EHMT1: variants seen among roughly 807,000 people sequenced by gnomAD.
EHMT1 encodes the protein histone-lysine N-methyltransferase EHMT1.
EHMT1 carries 15 observed loss-of-function variants against 147.2 expected under a neutral mutation model. The ratio of observed to expected loss-of-function variants is 0.10; its 90% CI spans 0.07 to 0.16. The LOEUF (loss-of-function observed/expected upper bound fraction) is 0.16, where lower values mean the gene tolerates loss of function less well. Among genes scored for constraint, EHMT1 ranks in the 10% least tolerant of loss-of-function variants. The probability of loss-of-function intolerance (pLI) is 1.00; values close to 1 mark genes in which losing one functional copy is unlikely to be tolerated. For missense variants in EHMT1, 1,587 were observed against 1,772.4 expected (o/e 0.90, Z 1.88); for synonymous variants, 795 against 709.6 (o/e 1.12, Z -1.91).
intron 4 of EHMT1, among the ~76,000 whole-genome samples, chr9:137,740,786 A>G (rs539049853): frequency 1.6e-4 from 24 of 152,290 alleles, no homozygotes; most frequent in Middle Eastern, 6.8e-3. Flanking sequence ...ACTTCCTGAC[A>G]TGATTTATTT....
chr9:137,623,745 C>G (rs146316724), intron 1 of EHMT1, among the ~76,000 whole-genome samples: 1 of 152,142 alleles, frequency 6.6e-6, no homozygotes, highest in South Asian at 2.1e-4. Context: ...TCTGCCCGTG[C>G]GCTTAGTAAG....
intron 4 of EHMT1, among the ~76,000 whole-genome samples, chr9:137,729,684 C>A (rs758188251): frequency 5.3e-5 from 8 of 152,146 alleles, no homozygotes; most frequent in Non-Finnish European, 1.0e-4. Context: ...ATTCATTTCA[C>A]CACATGGCAC....
chr9:137,796,165 A>G (rs899206977), intron 16 of EHMT1, among the ~76,000 whole-genome samples: 7 of 152,272 alleles, frequency 4.6e-5, no homozygotes, highest in Admixed American at 3.3e-4. Context: ...CGTGGCAAGC[A>G]GGTGAATCCG....
At chr9:137,647,422 G>T (rs1564537676) in intron 1 of EHMT1, among the ~76,000 whole-genome samples, 1 of 152,182 alleles carries the variant, frequency 6.6e-6, no homozygotes, top group Non-Finnish European at 1.5e-5. Context: ...AGGAGACGCT[G>T]TCGGCTCTAC....
At chr9:137,651,927 T>A (rs1473271669) in intron 1 of EHMT1, among the ~76,000 whole-genome samples, 1 of 152,238 alleles carries the variant, frequency 6.6e-6, no homozygotes, top group Non-Finnish European at 1.5e-5. Context: ...TCTAAAAGTC[T>A]AGCACATACA....
intron 10 of EHMT1, among the ~76,000 whole-genome samples, chr9:137,772,686 C>G (rs1470953539): frequency 6.6e-6 from 1 of 152,238 alleles, no homozygotes; most frequent in Non-Finnish European, 1.5e-5. Context: ...AGCACAGCAC[C>G]TCCCTGTGGT....
rs886613648 is a variant in EHMT1, at chr9:137,813,435, G to A, written c.3085G>A (p.Val1029Met). Reference protein sequence around the residue: ...ERIPIPCVNAVDSEPCPSNYK... With the variant: ...ERIPIPCVNAMDSEPCPSNYK... ...CATCCCCATCCCCTGTGTCAACGCCGTGGACAGCGAGCCATGCCCCAGCAA... is the reference window on the plus strand; with the variant it reads ...CATCCCCATCCCCTGTGTCAACGCCATGGACAGCGAGCCATGCCCCAGCAA... Residue 1029 changes from valine to methionine, a missense_variant, in exon 21 of 27, where the codon GTG (valine) becomes ATG (methionine). Coordinates refer to ENST00000460843, the MANE Select transcript of EHMT1 (RefSeq NM_024757.5). The surrounding 1 kb of genome is among the most constrained non-coding windows in gnomAD (Gnocchi z 4.9). The A allele has an allele frequency of 6.2e-6, 10 of 1,613,548 alleles. No homozygotes were observed. The highest frequency in any genetic ancestry group is 4.5e-5 in the East Asian group (2 of 44,896).
At chr9:137,620,745 T>C (rs1842902877) in intron 1 of EHMT1, among the ~76,000 whole-genome samples, 1 of 152,174 alleles carries the variant, frequency 6.6e-6, no homozygotes, top group Non-Finnish European at 1.5e-5. Flanking sequence ...GGCCAGTCGG[T>C]TGTAGGACCA....
intron 19 of EHMT1, among the ~76,000 whole-genome samples, chr9:137,812,285 G>A (rs915924044): frequency 6.6e-6 from 1 of 152,232 alleles, no homozygotes; most frequent in Non-Finnish European, 1.5e-5. Flanking sequence ...ATTGCAGTGA[G>A]TGGAGATTGC....
intron 3 of EHMT1, among the ~76,000 whole-genome samples, chr9:137,718,709 T>C (rs1447895989): frequency 6.6e-6 from 1 of 152,116 alleles, no homozygotes; most frequent in East Asian, 1.9e-4. Context: ...CATAAATTTT[T>C]TTCATGCCCA....
At chr9:137,743,813 C>T (rs1948317951) in intron 5 of EHMT1, 89 bp from the exon 6 acceptor site, 9 of 1,471,382 alleles carry the variant, frequency 6.1e-6, no homozygotes, top group Non-Finnish European at 7.3e-6. Context: ...CCTTGCACCT[C>T]CCAGTCACCC....
At chr9:137,642,968 C>G (rs1844603077) in intron 1 of EHMT1, among the ~76,000 whole-genome samples, 1 of 152,180 alleles carries the variant, frequency 6.6e-6, no homozygotes, top group Non-Finnish European at 1.5e-5. Context: ...CAGCCTTGAC[C>G]TCCTGGGCTA....
At chr9:137,768,019 A>G (rs1206066565) in intron 10 of EHMT1, among the ~76,000 whole-genome samples, 1 of 152,180 alleles carries the variant, frequency 6.6e-6, no homozygotes, top group African/African-American at 2.4e-5. Flanking sequence ...AGCTGCCTAC[A>G]GTATTCAGTA....
rs78986072 is a variant in EHMT1, at chr9:137,813,910, G to A, written c.3180+380G>A. Among the ~76,000 whole-genome samples, 1,443 of 152,230 alleles carry A rather than the reference G, an allele frequency of 9.5e-3. 23 individuals are homozygous for A. The highest frequency in any genetic ancestry group is 0.033 in the African/African-American group (1,356 of 41,540). On this transcript the variant is annotated intron_variant, in intron 21 of 26. Coordinates refer to ENST00000460843, the MANE Select transcript of EHMT1 (RefSeq NM_024757.5). The surrounding 1 kb of genome is among the most constrained non-coding windows in gnomAD (Gnocchi z 4.9). ...GGATCCCTGCACCTCCCAGCCCCCG[G>A]AGAGATGGGTCCAGCACATGCCAGC... is the stretch of plus-strand genomic sequence containing the variant.
At position 137,813,007 on chromosome 9, in the gene EHMT1, C is replaced by G; in HGVS notation, c.2869C>G (p.Leu957Val). The G allele has an allele frequency of 6.2e-7, 1 of 1,614,020 alleles. No homozygotes were observed. The highest frequency in any genetic ancestry group is 8.5e-7 in the Non-Finnish European group (1 of 1,180,018). The change falls in exon 20 of 27, where the codon CTC becomes GTC. Residue 957 changes from leucine (L) to valine (V), a missense_variant and splice_region_variant. Transcript: ENST00000460843. This position sits in a 1 kb window ranked among gnomAD's most constrained non-coding sequence, Gnocchi z 4.9. ...GTGGCCTTACATTTTCCCTTTTAGC[C>G]TCTTTCTTTCTCGGGATTCAGATGT... ...ARENRYDCVV[L>V]FLSRDSDVTL...
At chr9:137,627,194 G>C (rs912164015) in intron 1 of EHMT1, among the ~76,000 whole-genome samples, 1 of 151,746 alleles carries the variant, frequency 6.6e-6, no homozygotes, top group African/African-American at 2.4e-5. Context: ...GCTGACCTCA[G>C]GTGACCCACC....
intron 18 of EHMT1, among the ~76,000 whole-genome samples, chr9:137,808,371 C>T (rs370571211): frequency 2.0e-5 from 3 of 152,188 alleles, no homozygotes; most frequent in Admixed American, 2.0e-4. Context: ...TGGGCAGCCA[C>T]GGGCTCCCTC....
chr9:137,640,135 G>C lies in EHMT1; in HGVS notation c.21+21086G>C, dbSNP rs982265981. 2.0e-5 allele frequency among the ~76,000 whole-genome samples: 3 copies of C among 152,106 alleles called. No individual in the cohort carries two copies. In the East Asian group the frequency reaches 5.8e-4, roughly 29 times the overall value. On this transcript the variant is annotated intron_variant, in intron 1 of 26. Transcript: ENST00000460843. Reference sequence around the variant, plus strand: ...TTTTTAGTAGAGATGGGGTTTCGCTGTGTTGGCCAGGCTGTTCTTGAACTC... The same window carrying C: ...TTTTTAGTAGAGATGGGGTTTCGCTCTGTTGGCCAGGCTGTTCTTGAACTC...
At chr9:137,713,311 C>T (rs1944913738) in intron 2 of EHMT1, among the ~76,000 whole-genome samples, 1 of 148,826 alleles carries the variant, frequency 6.7e-6, no homozygotes, top group Non-Finnish European at 1.5e-5. Context: ...GCTCTGTCAC[C>T]CGGGCTGGAG....
Sources: allele counts gnomAD v4.1 joint callset (sites outside exome capture counted in the v4.1 genomes callset), GRCh38; gene constraint gnomAD v4.1.1; non-coding constraint Gnocchi (gnomAD v3.1); transcripts MANE v1.5; gene names NCBI Gene and HGNC (gene_info 2026-07-23, HGNC 2026-07-21).